The following GALNT12 variants were observed in gnomAD, a reference collection of about 807,000 sequenced individuals.
GALNT12 encodes UDP-GalNAc:polypeptide N-acetylgalactosaminyltransferase 12.
GALNT12 carries 45 observed loss-of-function variants against 55.5 expected under a neutral mutation model. The ratio of observed to expected loss-of-function variants is 0.81; its 90% CI spans 0.64 to 1.04. The LOEUF is 1.04. Ranked by LOEUF, GALNT12 falls within the 50% of genes least tolerant of loss-of-function variation. The pLI, the probability that GALNT12 is intolerant of heterozygous loss-of-function variation, is 0.00. For synonymous variants in GALNT12, 304 were observed against 312.2 expected (o/e 0.97, Z 0.28); for missense variants, 709 against 754.8 (o/e 0.94, Z 0.71).
rs374994372 is a variant in GALNT12 at position 98,808,027 on chromosome 9, G to T, written c.329G>T (p.Arg110Leu). ...CAGATTAACATCTACCTCAGCGACC[G>T]CATCTCACTGCACCGCCGCCTGCCC... ...LHQINIYLSD[R>L]ISLHRRLPER... Residue 110 changes from arginine to leucine, a missense_variant, in exon 1 of 10, where the codon CGC becomes CTC. Coordinates refer to ENST00000375011, the MANE Select transcript of GALNT12 (RefSeq NM_024642.5). The T allele has an allele frequency of 3.2e-6, 5 of 1,574,714 alleles. No individual in the cohort carries two copies. Among genetic ancestry groups the T allele is most frequent in the Admixed American group, 3.6e-5 (2 of 55,220 alleles).
intron 2 of GALNT12, 76 bp downstream of exon 2, chr9:98,823,501 A>G (rs1835792869): frequency 7.4e-7 from 1 of 1,357,022 alleles, no homozygotes; most frequent in African/African-American, 1.4e-5. Context: ...GGGATGCAGG[A>G]GGGCTAAAGT....
chr9:98,841,240 A>T (rs540815462), intron 7 of GALNT12, among the ~76,000 whole-genome samples: 2 of 152,324 alleles, frequency 1.3e-5, no homozygotes, highest in South Asian at 4.1e-4. Context: ...GGTGTCTTCA[A>T]GTTGTGCCTC....
intron 1 of GALNT12, 142 bp from the exon 2 acceptor site, chr9:98,823,114 C>A: frequency 1.3e-6 from 1 of 779,830 alleles, no homozygotes; most frequent in Admixed American, 1.9e-5. Flanking sequence ...GCTCCTAGTG[C>A]CACAAGGGGA....
rs202039153 is a variant in GALNT12 at position 98,831,898 on chromosome 9, G to T, written c.858G>T (p.Thr286=). Residue 286 remains threonine, a synonymous_variant, in exon 4 of 10, where the codon ACG becomes ACT. Coordinates refer to ENST00000375011, the MANE Select transcript of GALNT12 (RefSeq NM_024642.5). ...GTTTCGACTGGAGGCTGGTGTTCAC[G>T]TGGCACACAGTTCCTGAGAGGGAGA... ...IGGFDWRLVF[T]WHTVPERERI... is the part of the protein sequence containing the mutation. 2.2e-5 allele frequency: 35 copies of T among 1,614,036 alleles called. No homozygotes were observed. The highest frequency in any genetic ancestry group is 2.8e-5 in the Non-Finnish European group (33 of 1,180,044).
chr9:98,830,854 C>G (rs1157278737), intron 3 of GALNT12, among the ~76,000 whole-genome samples: 2 of 152,190 alleles, frequency 1.3e-5, no homozygotes, highest in Admixed American at 6.5e-5. Flanking sequence ...TGGTGTCATT[C>G]TAAGGACACC....
chr9:98,817,142 T>C (rs1258215359), intron 1 of GALNT12, among the ~76,000 whole-genome samples: 1 of 152,032 alleles, frequency 6.6e-6, no homozygotes. Context: ...ATTTTTGTAT[T>C]TTTGGTAGAG....
chr9:98,815,835 G>A (rs74509212), intron 1 of GALNT12, among the ~76,000 whole-genome samples: 1,706 of 152,266 alleles, frequency 0.011, 27 homozygotes, highest in African/African-American at 0.034. Context: ...ATGCGTGAAC[G>A]CGCTCACATA....
In GALNT12 at chr9:98,840,005, C is replaced by T. The variant is rs769837927; in HGVS notation, c.1216C>T (p.Pro406Ser). Residue 406 changes from proline (P) to serine (S), a missense_variant, in exon 7 of 10, where the codon CCT (proline) becomes TCT (serine). Pro to Ser is a moderately conservative substitution (Grantham distance 74). Transcript: ENST00000375011. The part of the protein sequence containing the change: ...YHRNPRARLE[P>S]FGDVTERKQL... ...CACTGTTTTGTTGTTTTCTCAGGAA[C>T]CTTTTGGGGATGTGACAGAGAGGAA... is the stretch of plus-strand genomic sequence containing the variant. 1 of 1,614,070 alleles carries T rather than the reference C, an allele frequency of 6.2e-7. No individual in the cohort carries two copies. Among genetic ancestry groups the T allele is most frequent in the Non-Finnish European group, 8.5e-7 (1 of 1,179,962 alleles).
At chr9:98,838,520 A>G (rs1054810788) in intron 6 of GALNT12, among the ~76,000 whole-genome samples, 3 of 152,184 alleles carry the variant, frequency 2.0e-5, no homozygotes, top group Admixed American at 2.0e-4. Flanking sequence ...GTCCTTCCTC[A>G]TAGCGATTTA....
In GALNT12 at chr9:98,831,962, G is replaced by A. The variant is rs1836010425; in HGVS notation, c.917+5G>A. The A allele has an allele frequency of 6.2e-7, 1 of 1,612,404 alleles. No individual in the cohort carries two copies. Among genetic ancestry groups the A allele is most frequent in the African/African-American group, 1.3e-5 (1 of 75,010 alleles). ...ATCCCCCGTCGATGTCATCAGGTCA[G>A]GAGCTGACTTCTGGGTGACTTGTTT... On this transcript the variant is annotated splice_donor_5th_base_variant and intron_variant, in intron 4 of 9. Coordinates refer to ENST00000375011, the MANE Select transcript of GALNT12 (RefSeq NM_024642.5).
At position 98,826,872 on chromosome 9, in the gene GALNT12, G is replaced by C. The variant is rs568933955; in HGVS notation, c.662G>C (p.Gly221Ala). 1.3e-6 allele frequency: 2 copies of C among 1,597,390 alleles called. No homozygotes were observed. Among genetic ancestry groups the C allele is most frequent in the African/African-American group, 2.7e-5 (2 of 74,660 alleles). ...CTGCTGGGGGCGTCTGCGGCGAGGG[G>C]CGATGTTCTGACCTTCCTGGACTGT... is the stretch of plus-strand genomic sequence containing the variant. Reference protein sequence around the residue: ...ARLLGASAARGDVLTFLDCHC... With the variant: ...ARLLGASAARADVLTFLDCHC... Residue 221 changes from glycine to alanine, a missense_variant, in exon 3 of 10, where the codon GGC becomes GCC. Physicochemically the swap from Gly to Ala is moderately conservative, Grantham distance 60 (BLOSUM62 0). This residue lies in a region of GALNT12 where 315 missense variants were observed against 288.6 expected (regional missense o/e 1.09). Coordinates refer to ENST00000375011, the MANE Select transcript of GALNT12 (RefSeq NM_024642.5).
intron 1 of GALNT12, among the ~76,000 whole-genome samples, chr9:98,808,788 G>C (rs1564244315): frequency 6.6e-6 from 1 of 152,232 alleles, no homozygotes; most frequent in Non-Finnish European, 1.5e-5. Context: ...GGGATCCAGG[G>C]CACACGCTGG....
chr9:98,849,840 T>G lies in GALNT12; in HGVS notation c.*748T>G, dbSNP rs965858499. ...TGACTTTAAAACATGTTTATATCAT[T>G]TTTAATTTTTATGATACGGTAGTGT... On this transcript the variant is annotated 3_prime_UTR_variant, in exon 10 of 10. Coordinates refer to ENST00000375011, the MANE Select transcript of GALNT12 (RefSeq NM_024642.5). 4 of 349,428 alleles carry G rather than the reference T, an allele frequency of 1.1e-5. No individual in the cohort carries two copies. Among genetic ancestry groups the G allele is most frequent in the African/African-American group, 4.2e-5 (2 of 47,842 alleles). The allele number at this position is 349,428 out of a possible 1,614,324, so 21.6% of individuals were successfully genotyped here.
chr9:98,832,044 TG>T lies in GALNT12; in HGVS notation c.917+89del, dbSNP rs1236265749. 12 of 1,179,806 alleles carry T rather than the reference TG, an allele frequency of 1.0e-5. No homozygotes were observed. In the Admixed American group the frequency reaches 2.0e-4, roughly 19 times the overall value. The allele number at this position is 1,179,806 out of a possible 1,614,324, so 73.1% of individuals were successfully genotyped here. On this transcript the variant is annotated intron_variant, in intron 4 of 9. Coordinates refer to ENST00000375011, the MANE Select transcript of GALNT12 (RefSeq NM_024642.5). ...TGTGAGCGGAGGCCCTCGGGAGGAA[TG>T]GTTAGCTGTCAGCTTAACTACCTCC...
At chr9:98,813,191 A>G (rs1835529843) in intron 1 of GALNT12, among the ~76,000 whole-genome samples, 1 of 152,006 alleles carries the variant, frequency 6.6e-6, no homozygotes, top group Non-Finnish European at 1.5e-5. Flanking sequence ...AAATGTTTTT[A>G]TTTTGCTCTT....
intron 8 of GALNT12, among the ~76,000 whole-genome samples, chr9:98,844,781 G>A (rs149669446): frequency 6.6e-6 from 1 of 152,256 alleles, no homozygotes; most frequent in Non-Finnish European, 1.5e-5. Context: ...CTGTCTGGGT[G>A]AAGGGCTGTA....
rs570183502 is a variant in GALNT12, at chr9:98,813,744, C to A, written c.371+5675C>A. On this transcript the variant is annotated intron_variant, in intron 1 of 9. Transcript: ENST00000375011. ...TGAACTCCTGACCTTAGGTGATCCA[C>A]CTACCTTGGCCTCTCAAAGTGCTGG... is the stretch of plus-strand genomic sequence containing the variant. Among the ~76,000 whole-genome samples, 61 of 152,122 alleles carry A rather than the reference C, an allele frequency of 4.0e-4. 1 individual carries two copies. The highest frequency in any genetic ancestry group is 1.4e-3 in the African/African-American group (59 of 41,500).
intron 4 of GALNT12, among the ~76,000 whole-genome samples, chr9:98,832,901 T>TA (rs756622610): frequency 9.9e-5 from 15 of 152,250 alleles, no homozygotes; most frequent in Non-Finnish European, 1.9e-4. Flanking sequence ...TGGTTATTGT[T>TA]AAATAATGCT....
At chr9:98,813,588 C>T (rs1357805650) in intron 1 of GALNT12, among the ~76,000 whole-genome samples, 1 of 151,936 alleles carries the variant, frequency 6.6e-6, no homozygotes, top group African/African-American at 2.4e-5. Context: ...ACCTCCACCT[C>T]CTGGGTTCAA....
Sources: gnomAD v4.1 joint callset for allele counts (sites outside exome capture counted in the v4.1 genomes callset) on GRCh38, gnomAD v4.1.1 for gene constraint, gnomAD v4.1.1 regional missense constraint, MANE v1.5 for transcripts, NCBI Gene and HGNC (gene_info 2026-07-23, HGNC 2026-07-21) for gene names.